The following TRMT11 variants were observed in gnomAD, a reference collection of about 807,000 sequenced individuals.
TRMT11 encodes tRNA methyltransferase 11, also known as tRNA (guanine(10)-N(2))-methyltransferase TRMT11.
TRMT11 carries 53 observed loss-of-function variants against 62.8 expected under a neutral mutation model. That is an observed-to-expected ratio of 0.84 (90% CI 0.68 to 1.06). The LOEUF is 1.06. TRMT11 is among the 50% of genes least tolerant of loss of function. The probability of loss-of-function intolerance (pLI) is 0.00; values close to 1 mark genes in which losing one functional copy is unlikely to be tolerated. For missense variants in TRMT11, 556 were observed against 553.4 expected (o/e 1.00, Z -0.05); for synonymous variants, 188 against 190.3 (o/e 0.99, Z 0.10).
the TRMT11 span, among the ~76,000 whole-genome samples, chr6:126,230,950 A>G: frequency 2.0e-5 from 3 of 152,198 alleles, no homozygotes; most frequent in African/African-American, 4.8e-5. Flanking sequence ...GTGGCTGTCT[A>G]TTGTTAAAAA....
intron 17 of TRMT11, among the ~76,000 whole-genome samples, chr6:126,062,239 C>G (rs1014812436): frequency 3.3e-5 from 5 of 152,102 alleles, no homozygotes; most frequent in African/African-American, 1.2e-4. Flanking sequence ...TCTGTTGATT[C>G]AAACCAAAGA....
At chr6:126,214,389 T>C in the TRMT11 span, among the ~76,000 whole-genome samples, 1 of 152,126 alleles carries the variant, frequency 6.6e-6, no homozygotes, top group East Asian at 1.9e-4. Context: ...CTGGAAGACT[T>C]TTTATTACAG....
downstream of TRMT11, among the ~76,000 whole-genome samples, chr6:126,206,685 C>A (rs960072377): frequency 6.6e-6 from 1 of 152,052 alleles, no homozygotes; most frequent in Non-Finnish European, 1.5e-5. Context: ...TTTAAGCCTC[C>A]CTTGGATTTG....
At chr6:126,093,625 A>ATTTTTTTTTTTTT (rs1483189635) in intron 17 of TRMT11, among the ~76,000 whole-genome samples, 1 of 103,522 alleles carries the variant, frequency 9.7e-6, no homozygotes, top group African/African-American at 4.8e-5. Flanking sequence ...ATATATATAT[A>ATTTTTTTTTTTTT]TATATATTTT....
At chr6:126,045,813 A>C (rs1476101642) in intron 16 of TRMT11, among the ~76,000 whole-genome samples, 1 of 152,134 alleles carries the variant, frequency 6.6e-6, no homozygotes, top group Non-Finnish European at 1.5e-5. Context: ...TTGTTAAGGA[A>C]CATGGGCAAC....
intron 17 of TRMT11, among the ~76,000 whole-genome samples, chr6:126,066,831 A>G (rs762879962): frequency 9.9e-5 from 15 of 151,772 alleles, no homozygotes; most frequent in Non-Finnish European, 1.9e-4. Context: ...CAGCCAGGAC[A>G]TTGGTGTCTG....
intron 16 of TRMT11, among the ~76,000 whole-genome samples, chr6:126,046,560 G>A (rs557136546): frequency 6.6e-6 from 1 of 152,254 alleles, no homozygotes; most frequent in Admixed American, 6.5e-5. Flanking sequence ...TTAGGGATGG[G>A]GCCCAGGACT....
chr6:126,148,442 C>T (rs1412496083), intron 21 of TRMT11, among the ~76,000 whole-genome samples: 2 of 152,102 alleles, frequency 1.3e-5, no homozygotes, highest in East Asian at 1.9e-4. Flanking sequence ...TGAAGGTTCC[C>T]CTGGTCACTG....
rs1194249162 is a variant in TRMT11 at position 126,038,957 on chromosome 6, C to G, written c.*121C>G. On this transcript the variant is annotated 3_prime_UTR_variant, in exon 13 of 13. Transcript: ENST00000334379. ...TTTTAAAATATTTTATATAGAAAAG[C>G]TACAAAGTAAATTGAGCAATGCTTT... 1.2e-6 allele frequency: 1 copy of G among 839,484 alleles called. No individual in the cohort carries two copies. The highest frequency in any genetic ancestry group is 2.9e-5 in the East Asian group (1 of 34,540). The allele number at this position is 839,484 out of a possible 1,614,324, so 52.0% of individuals were successfully genotyped here.
intron 1 of TRMT11, among the ~76,000 whole-genome samples, chr6:126,188,689 A>G (rs1778555778): frequency 6.6e-6 from 1 of 152,170 alleles, no homozygotes; most frequent in South Asian, 2.1e-4. Flanking sequence ...GTACCTTCAA[A>G]GAGCATGTAG....
At chr6:126,171,271 T>C (rs555960348) in intron 21 of TRMT11, among the ~76,000 whole-genome samples, 1 of 151,852 alleles carries the variant, frequency 6.6e-6, no homozygotes, top group Non-Finnish European at 1.5e-5. Flanking sequence ...TTCTCAAGAC[T>C]GATTAAGGCT....
At chr6:126,211,219 A>G in the TRMT11 span, among the ~76,000 whole-genome samples, 16 of 152,156 alleles carry the variant, frequency 1.1e-4, no homozygotes, top group African/African-American at 3.1e-4. Flanking sequence ...TTTCCAGTAG[A>G]ACAGTCAGTC....
intron 21 of TRMT11, among the ~76,000 whole-genome samples, chr6:126,118,928 TTA>T (rs1777617993): frequency 6.6e-6 from 1 of 152,108 alleles, no homozygotes; most frequent in South Asian, 2.1e-4. Context: ...AGAATGACAA[TTA>T]TTTAGGCTGC....
chr6:126,031,321 G>A (rs750086727), intron 12 of TRMT11, among the ~76,000 whole-genome samples: 1 of 152,046 alleles, frequency 6.6e-6, no homozygotes, highest in Non-Finnish European at 1.5e-5. Flanking sequence ...TTCCTTGAGA[G>A]GAAGGCCATA....
In TRMT11 at chr6:126,127,575, A is replaced by C. The variant is rs906681715; in HGVS notation, c.*1823+11720A>C. Among the ~76,000 whole-genome samples the C allele has an allele frequency of 5.3e-5, 8 of 151,962 alleles. No individual in the cohort carries two copies. The East Asian group carries it at 1.2e-3, about 22-fold the overall frequency. ...ACGTGCAGGTTTGTTACATATGTAC[A>C]CATGTACCATGTTGGTGTGCTGCAC... On this transcript the variant is annotated intron_variant and NMD_transcript_variant, in intron 21 of 22. Coordinates refer to the TRMT11 transcript ENST00000648977.
At chr6:126,114,252 A>G in intron 18 of TRMT11, among the ~76,000 whole-genome samples, 1 of 152,106 alleles carries the variant, frequency 6.6e-6, no homozygotes, top group African/African-American at 2.4e-5. Context: ...TTATTGTTCT[A>G]GACAAGCTTA....
chr6:126,024,924 T>G (rs891612804), intron 12 of TRMT11, among the ~76,000 whole-genome samples: 1 of 152,238 alleles, frequency 6.6e-6, no homozygotes, highest in African/African-American at 2.4e-5. Flanking sequence ...TAATAGTAAC[T>G]AACATTTATG....
At chr6:126,107,861 A>G (rs560816151) in intron 17 of TRMT11, among the ~76,000 whole-genome samples, 10 of 152,204 alleles carry the variant, frequency 6.6e-5, no homozygotes, top group Admixed American at 6.5e-4. Context: ...CGCGTGATTC[A>G]TATTAGAAGG....
At chr6:126,079,707 A>C (rs1777115869) in intron 17 of TRMT11, among the ~76,000 whole-genome samples, 1 of 152,106 alleles carries the variant, frequency 6.6e-6, no homozygotes, top group South Asian at 2.1e-4. Flanking sequence ...TGTACCTCCA[A>C]ACCTAAAATA....
Sources: allele counts gnomAD v4.1 joint callset (sites outside exome capture counted in the v4.1 genomes callset), GRCh38; gene constraint gnomAD v4.1.1; transcripts MANE v1.5; gene names NCBI Gene and HGNC (gene_info 2026-07-23, HGNC 2026-07-21).